Variants in GUCY1A2 observed in about 807,000 individuals in gnomAD.
The protein encoded by GUCY1A2 is guanylate cyclase 1 soluble subunit alpha 2.
In GUCY1A2, 27 loss-of-function variants were observed where a neutral mutation model predicts 63.5. The observed-to-expected ratio is 0.43, with a 90% CI of 0.31 to 0.59. The LOEUF (loss-of-function observed/expected upper bound fraction) is 0.59, where lower values mean the gene tolerates loss of function less well. Ranked by LOEUF, GUCY1A2 falls within the 20% of genes least tolerant of loss-of-function variation. The pLI, the probability that GUCY1A2 is intolerant of heterozygous loss-of-function variation, is 0.11. For missense variants in GUCY1A2, 768 were observed against 913.3 expected (o/e 0.84, Z 2.05); for synonymous variants, 364 against 343.5 (o/e 1.06, Z -0.66).
chr11:106,731,256 C>A (rs1863498381), intron 6 of GUCY1A2, among the ~76,000 whole-genome samples: 1 of 152,026 alleles, frequency 6.6e-6, no homozygotes. Context: ...TAATGTGATT[C>A]ATCACCTAAA....
At chr11:106,706,891 G>T (rs540051105) in intron 7 of GUCY1A2, among the ~76,000 whole-genome samples, 1 of 152,204 alleles carries the variant, frequency 6.6e-6, no homozygotes, top group African/African-American at 2.4e-5. Flanking sequence ...GGTAATTGTT[G>T]TCAGATCATC....
chr11:106,951,361 G>A (rs1033828546), intron 3 of GUCY1A2, among the ~76,000 whole-genome samples: 10 of 152,202 alleles, frequency 6.6e-5, no homozygotes, highest in African/African-American at 2.4e-4. Flanking sequence ...CCCACCAACA[G>A]TACAAAAGCA....
At chr11:107,005,755 G>A (rs144980527) in intron 1 of GUCY1A2, among the ~76,000 whole-genome samples, 2,055 of 152,220 alleles carry the variant, frequency 0.014, 29 homozygotes, top group South Asian at 0.045. Context: ...TGGTAAGATC[G>A]CATTTGTTTT....
intron 6 of GUCY1A2, among the ~76,000 whole-genome samples, chr11:106,735,607 T>C (rs1863575551): frequency 6.6e-6 from 1 of 152,204 alleles, no homozygotes; most frequent in Admixed American, 6.5e-5. Flanking sequence ...AGTGCAGTTA[T>C]CTCTTCAATA....
chr11:106,751,687 G>T (rs1283400154), intron 6 of GUCY1A2, among the ~76,000 whole-genome samples: 1 of 151,918 alleles, frequency 6.6e-6, no homozygotes, highest in African/African-American at 2.4e-5. Flanking sequence ...AAAATATAAA[G>T]TCAATATTAT....
chr11:107,009,847 T>C (rs1861720088), intron 1 of GUCY1A2, among the ~76,000 whole-genome samples: 1 of 152,182 alleles, frequency 6.6e-6, no homozygotes, highest in African/African-American at 2.4e-5. Context: ...TGCTCAGTAG[T>C]CCTCAAGGTC....
chr11:106,711,578 G>A (rs756334278), intron 6 of GUCY1A2, among the ~76,000 whole-genome samples: 1 of 152,086 alleles, frequency 6.6e-6, no homozygotes, highest in Admixed American at 6.6e-5. Flanking sequence ...CATATCCAGA[G>A]CACCCTCATG....
chr11:106,936,810 GAATA>G, intron 4 of GUCY1A2: 1 of 620,184 alleles, frequency 1.6e-6, no homozygotes, highest in Non-Finnish European at 2.8e-6. Context: ...TTAGAAGAAG[GAATA>G]AATATAAATT....
chr11:106,857,324 C>T (rs79869199), intron 4 of GUCY1A2, among the ~76,000 whole-genome samples: 3,586 of 152,220 alleles, frequency 0.024, 141 homozygotes, highest in African/African-American at 0.08. Context: ...CTTTTTCTTA[C>T]ACAGGCTCTA....
intron 4 of GUCY1A2, among the ~76,000 whole-genome samples, chr11:106,896,404 G>A (rs1318109299): frequency 2.6e-5 from 4 of 152,092 alleles, no homozygotes; most frequent in African/African-American, 4.8e-5. Context: ...TGAGGAGCAA[G>A]GCAAGAATGT....
At chr11:106,714,869 T>C (rs192930503) in intron 6 of GUCY1A2, among the ~76,000 whole-genome samples, 1 of 152,316 alleles carries the variant, frequency 6.6e-6, no homozygotes, top group Admixed American at 6.5e-5. Context: ...AGAAACTCTG[T>C]ACTCAGACCT....
intron 1 of GUCY1A2, among the ~76,000 whole-genome samples, chr11:106,998,541 A>T (rs535025359): frequency 6.6e-6 from 1 of 152,226 alleles, no homozygotes; most frequent in Non-Finnish European, 1.5e-5. Flanking sequence ...TACTGATTGG[A>T]TATCACTTAC....
At chr11:106,850,110 T>C (rs953129149) in intron 4 of GUCY1A2, among the ~76,000 whole-genome samples, 1 of 151,770 alleles carries the variant, frequency 6.6e-6, no homozygotes, top group African/African-American at 2.4e-5. Flanking sequence ...TTGCCCATTC[T>C]GATGTTTCAT....
At chr11:106,985,933 AC>A in intron 2 of GUCY1A2, 136 bp downstream of exon 2, 1 of 627,060 alleles carries the variant, frequency 1.6e-6, no homozygotes, top group Non-Finnish European at 2.9e-6. Flanking sequence ...ATAAGCCTTC[AC>A]GCCCCACACT....
At chr11:106,932,877 C>T (rs1565335888) in intron 4 of GUCY1A2, among the ~76,000 whole-genome samples, 1 of 152,094 alleles carries the variant, frequency 6.6e-6, no homozygotes, top group Non-Finnish European at 1.5e-5. Flanking sequence ...AAAGGACTCC[C>T]TATTCAATAA....
intron 1 of GUCY1A2, among the ~76,000 whole-genome samples, chr11:106,997,628 C>A (rs75633616): frequency 0.026 from 2,985 of 112,852 alleles, 146 homozygotes; most frequent in African/African-American, 0.096. Flanking sequence ...CCCCCCCCCC[C>A]CACCCGAGCA....
intron 5 of GUCY1A2, among the ~76,000 whole-genome samples, chr11:106,806,102 CACAA>C (rs774640844): frequency 2.0e-5 from 3 of 152,116 alleles, no homozygotes; most frequent in Non-Finnish European, 4.4e-5. Flanking sequence ...CATACACACA[CACAA>C]ACATAATCAC....
At chr11:106,940,515 G>C (rs1348914586) in intron 3 of GUCY1A2, among the ~76,000 whole-genome samples, 1 of 152,092 alleles carries the variant, frequency 6.6e-6, no homozygotes, top group Non-Finnish European at 1.5e-5. Flanking sequence ...CACATGCACA[G>C]CCTGCCCCAT....
intron 6 of GUCY1A2, among the ~76,000 whole-genome samples, chr11:106,733,555 T>C (rs1366427960): frequency 6.6e-6 from 1 of 152,114 alleles, no homozygotes; most frequent in East Asian, 1.9e-4. Flanking sequence ...TTTATTAAAA[T>C]GCGATGAAAT....
Sources: allele counts gnomAD v4.1 joint callset (sites outside exome capture counted in the v4.1 genomes callset), GRCh38; gene constraint gnomAD v4.1.1; transcripts MANE v1.5; gene names NCBI Gene and HGNC (gene_info 2026-07-23, HGNC 2026-07-21).